The following LHFPL3 variants were observed in gnomAD, a reference collection of about 807,000 sequenced individuals.
LHFPL3 encodes LHFPL tetraspan subfamily member 3, also known as LHFPL tetraspan subfamily member 3 protein.
LHFPL3 carries 5 observed loss-of-function variants against 19.3 expected under a neutral mutation model. That is an observed-to-expected ratio of 0.26 (90% CI 0.14 to 0.54). The LOEUF (loss-of-function observed/expected upper bound fraction) is 0.54. LHFPL3 is among the 20% of genes least tolerant of loss of function. The probability of loss-of-function intolerance (pLI) is 0.94; values close to 1 mark genes in which losing one functional copy is unlikely to be tolerated. For synonymous variants in LHFPL3, 133 were observed against 126.2 expected, an observed-to-expected ratio of 1.05 and a Z score of -0.36; for missense variants, 249 against 307.4, an observed-to-expected ratio of 0.81 and a Z score of 1.42.
intron 1 of LHFPL3, among the ~76,000 whole-genome samples, chr7:104,676,042 G>A (rs921085731): frequency 3.9e-5 from 6 of 152,228 alleles, no homozygotes; most frequent in Admixed American, 6.5e-5. Context: ...GTCAGAGGCT[G>A]AGCCTGGGGC....
At chr7:104,685,461 C>T (rs1792787016) in intron 1 of LHFPL3, among the ~76,000 whole-genome samples, 1 of 152,236 alleles carries the variant, frequency 6.6e-6, no homozygotes, top group South Asian at 2.1e-4. Flanking sequence ...CACAGACACA[C>T]ACACACATTC....
At chr7:104,474,755 G>A (rs1017446822) in intron 1 of LHFPL3, among the ~76,000 whole-genome samples, 20 of 151,370 alleles carry the variant, frequency 1.3e-4, no homozygotes, top group African/African-American at 4.4e-4. Context: ...AATAGGGGAT[G>A]TAGATAGTAG....
At chr7:104,834,945 T>A (rs1328282145) in intron 2 of LHFPL3, among the ~76,000 whole-genome samples, 1 of 152,018 alleles carries the variant, frequency 6.6e-6, no homozygotes, top group Non-Finnish European at 1.5e-5. Flanking sequence ...CAGCCTGATT[T>A]ATATTCATTA....
At chr7:104,868,557 G>A (rs1027921864) in intron 2 of LHFPL3, among the ~76,000 whole-genome samples, 8 of 152,008 alleles carry the variant, frequency 5.3e-5, no homozygotes, top group East Asian at 3.9e-4. Flanking sequence ...TACAAACCAC[G>A]GCTCAATGAA....
intron 1 of LHFPL3, among the ~76,000 whole-genome samples, chr7:104,407,414 T>C (rs1389845847): frequency 6.6e-6 from 1 of 152,166 alleles, no homozygotes; most frequent in Non-Finnish European, 1.5e-5. Flanking sequence ...CCCAGCACCT[T>C]GGGAGGCCAA....
chr7:104,776,397 C>CACA (rs1794637367), intron 2 of LHFPL3, among the ~76,000 whole-genome samples: 5 of 152,334 alleles, frequency 3.3e-5, no homozygotes, highest in African/African-American at 1.2e-4. Context: ...CTAAGGAAGA[C>CACA]ACAACTATCT....
chr7:104,845,570 C>A, intron 2 of LHFPL3: 2 of 924,918 alleles, frequency 2.2e-6, no homozygotes, highest in Non-Finnish European at 1.6e-6. Flanking sequence ...GCTTTCAAGC[C>A]ATAAATCTTC....
At chr7:104,444,072 C>T (rs1792279769) in intron 1 of LHFPL3, among the ~76,000 whole-genome samples, 1 of 152,232 alleles carries the variant, frequency 6.6e-6, no homozygotes, top group African/African-American at 2.4e-5. Flanking sequence ...TATCATTCCA[C>T]ATGCAGTTAA....
At chr7:104,584,164 T>C (rs1216304946) in intron 1 of LHFPL3, among the ~76,000 whole-genome samples, 1 of 152,084 alleles carries the variant, frequency 6.6e-6, no homozygotes, top group Non-Finnish European at 1.5e-5. Flanking sequence ...TGTAGGGACA[T>C]GGATGAAGCT....
At chr7:104,890,185 T>C (rs1393506285) in intron 2 of LHFPL3, among the ~76,000 whole-genome samples, 1 of 152,132 alleles carries the variant, frequency 6.6e-6, no homozygotes, top group Non-Finnish European at 1.5e-5. Context: ...TCACTTATAG[T>C]CTAGCTACTC....
chr7:104,614,653 C>CCTTCCTTCCTTCCT (rs1791284308), intron 1 of LHFPL3, among the ~76,000 whole-genome samples: 1 of 51,530 alleles, frequency 1.9e-5, no homozygotes, highest in African/African-American at 5.9e-5. Context: ...CTTCTCTTCT[C>CCTTCCTTCCTTCCT]TCCTTCCTTC....
chr7:104,702,270 C>T (rs1462737304), intron 1 of LHFPL3, among the ~76,000 whole-genome samples: 3 of 152,168 alleles, frequency 2.0e-5, no homozygotes, highest in African/African-American at 7.2e-5. Context: ...ATCAGAAGTT[C>T]ATCTGTGTGC....
chr7:104,619,751 T>G (rs1436544405), intron 1 of LHFPL3, among the ~76,000 whole-genome samples: 2 of 152,156 alleles, frequency 1.3e-5, no homozygotes, highest in Non-Finnish European at 2.9e-5. Flanking sequence ...ATAGTCTTCT[T>G]GGAGAACTAG....
At chr7:104,528,210 G>A (rs1459784480) in intron 1 of LHFPL3, among the ~76,000 whole-genome samples, 1 of 152,174 alleles carries the variant, frequency 6.6e-6, no homozygotes, top group Admixed American at 6.6e-5. Context: ...TTCCTTTTGG[G>A]TATAACAGCC....
intron 2 of LHFPL3, among the ~76,000 whole-genome samples, chr7:104,859,543 C>A (rs1199432266): frequency 6.6e-6 from 1 of 152,020 alleles, no homozygotes; most frequent in Non-Finnish European, 1.5e-5. Context: ...GTGGCACATG[C>A]CTGTAGTCCC....
intron 1 of LHFPL3, among the ~76,000 whole-genome samples, chr7:104,682,005 T>C (rs890529583): frequency 3.3e-5 from 5 of 152,306 alleles, no homozygotes; most frequent in Non-Finnish European, 5.9e-5. Flanking sequence ...ATGATAATAA[T>C]TACATCTCTT....
intron 1 of LHFPL3, among the ~76,000 whole-genome samples, chr7:104,382,997 A>T (rs964887274): frequency 1.3e-5 from 2 of 148,896 alleles, no homozygotes; most frequent in Non-Finnish European, 3.0e-5. Flanking sequence ...TTGCAGATGA[A>T]GAAACTGAGG....
At chr7:104,740,792 A>G (rs567629392) in intron 2 of LHFPL3, among the ~76,000 whole-genome samples, 1 of 152,314 alleles carries the variant, frequency 6.6e-6, no homozygotes, top group Admixed American at 6.5e-5. Flanking sequence ...AATTATTACA[A>G]TTCAAGGTGG....
chr7:104,543,903 T>TATA (rs199906129), intron 1 of LHFPL3, among the ~76,000 whole-genome samples: 15,050 of 145,318 alleles, frequency 0.1, 829 homozygotes, highest in African/African-American at 0.13. Context: ...TACCCCAAAA[T>TATA]ATAATAATAA....
Sources: allele counts gnomAD v4.1 joint callset (sites outside exome capture counted in the v4.1 genomes callset), GRCh38; gene constraint gnomAD v4.1.1; transcripts MANE v1.5; gene names NCBI Gene and HGNC (gene_info 2026-07-23, HGNC 2026-07-21).